The following SCART1 variants were observed in gnomAD, a reference collection of about 807,000 sequenced individuals.
SCART1 encodes scavenger receptor cysteine-rich domain-containing protein SCART1.
Under a neutral mutation model 36.2 loss-of-function variants are expected in SCART1, and 62 were observed. The ratio of observed to expected loss-of-function variants is 1.71; its 90% CI spans 1.40 to 2.12. The LOEUF is 2.12. SCART1 is among the 30% of genes most tolerant of loss of function. The probability of loss-of-function intolerance (pLI) is 0.00; values close to 1 mark genes in which losing one functional copy is unlikely to be tolerated. For synonymous variants in SCART1, 487 were observed against 238.7 expected (o/e 2.04, Z -9.59); for missense variants, 1,041 against 540.5 (o/e 1.93, Z -9.18).
chr10:133,467,962 G>T (rs1362121566), exon 12 of SCART1: 1 of 691,642 alleles, frequency 1.4e-6, no homozygotes, highest in Non-Finnish European at 2.6e-6. Flanking sequence ...AGGAGATGAC[G>T]TTGTAAAGCA....
chr10:133,457,111 G>A, intron 2 of SCART1, 168 bp from the exon 3 acceptor site: 1 of 597,710 alleles, frequency 1.7e-6, no homozygotes, highest in South Asian at 2.1e-5. Flanking sequence ...CATGAAGCTG[G>A]GCACAGGGGT....
chr10:133,463,204 G>T (rs880284), intron 6 of SCART1, among the ~76,000 whole-genome samples: 97,144 of 151,784 alleles, frequency 0.64, 33,829 homozygotes, highest in Non-Finnish European at 0.78. Flanking sequence ...TGAACATGGG[G>T]CTGAGGTACA....
In SCART1 at chr10:133,457,004, C is replaced by CT; in HGVS notation, c.386-274dup. On this transcript the variant is annotated intron_variant, in intron 2 of 11. Transcript: ENST00000640237. Reference sequence around the variant, plus strand: ...AGGACCCCCTCATAGCGTCCTGCCTCTGAGGCTGAACCACCTGGCCAGGAC... The same window carrying CT: ...AGGACCCCCTCATAGCGTCCTGCCTCTTGAGGCTGAACCACCTGGCCAGGAC... 5 of 545,732 alleles carry CT rather than the reference C, an allele frequency of 9.2e-6. No homozygotes were observed. The South Asian group carries it at 1.3e-4, about 14-fold the overall frequency. 33.8% of individuals were successfully genotyped at this position (545,732 alleles called of 1,614,324 possible). A position where few individuals can be genotyped will look rare whatever the true frequency, so the allele number is the denominator to read the frequency against.
At position 133,458,228 on chromosome 10, in the gene SCART1, C is replaced by T. The variant is rs936685669; in HGVS notation, c.683-132C>T. The T allele has an allele frequency of 8.4e-5, 59 of 700,806 alleles. No individual in the cohort carries two copies. The East Asian group carries it at 1.6e-3, about 19-fold the overall frequency. The allele number at this position is 700,806 out of a possible 1,614,324, so 43.4% of individuals were successfully genotyped here. On this transcript the variant is annotated intron_variant, in intron 3 of 11. Coordinates refer to ENST00000640237, the Ensembl canonical transcript of SCART1. ...AGGGCCTGTGGCTGCAAGTTCCTGCCTGTGCTTGGTAGACCCTCTGCCTAG... is the reference window on the plus strand; with the variant it reads ...AGGGCCTGTGGCTGCAAGTTCCTGCTTGTGCTTGGTAGACCCTCTGCCTAG...
At chr10:133,468,133 A>G (rs10776682) in exon 12 of SCART1, 1 of 522,374 alleles carries the variant, frequency 1.9e-6, no homozygotes, top group Non-Finnish European at 3.5e-6. Context: ...CTGGCTCTAA[A>G]CCTCATCCCC....
At chr10:133,458,214 C>T in intron 3 of SCART1, 146 bp from the exon 4 acceptor site, 2 of 700,674 alleles carry the variant, frequency 2.9e-6, no homozygotes, top group Non-Finnish European at 2.6e-6. Flanking sequence ...GGGCCTGTGG[C>T]TGCAAGTTCC....
intron 1 of SCART1, among the ~76,000 whole-genome samples, chr10:133,455,102 A>G (rs1038706539): frequency 2.0e-5 from 3 of 152,072 alleles, no homozygotes; most frequent in Non-Finnish European, 4.4e-5. Flanking sequence ...CCCCATCTCT[A>G]CTAAAAATAC....
At chr10:133,459,313 C>T (rs1483754194) in exon 5 of SCART1, 5 of 643,080 alleles carry the variant, frequency 7.8e-6, no homozygotes, top group Admixed American at 2.3e-5. Context: ...ACACAGCCTC[C>T]GCGGTCTGCT....
At chr10:133,457,404 T>G in exon 3 of SCART1, 1 of 702,126 alleles carries the variant, frequency 1.4e-6, no homozygotes, top group Non-Finnish European at 2.6e-6. Flanking sequence ...CATGGTGTTC[T>G]GCCGGGAGCT....
rs535261562 is a variant in SCART1, at chr10:133,457,407, C to T, written c.514C>T (p.Arg172Trp). ...TGTGGAGGAGGCCATGGTGTTCTGC[C>T]GGGAGCTGGGGTGCGGCCCTGTGCT... The change falls in exon 3 of 12, where the codon CGG (arginine) becomes TGG (tryptophan). Residue 172 changes from arginine (R) to tryptophan (W), a missense_variant. Arg to Trp is a moderately radical substitution (Grantham distance 101). Transcript: ENST00000640237. The T allele has an allele frequency of 2.1e-4, 150 of 701,994 alleles. 2 individuals carry two copies. The highest frequency in any genetic ancestry group is 2.0e-3 in the South Asian group (134 of 67,542). 43.5% of individuals were successfully genotyped at this position (701,994 alleles called of 1,614,324 possible).
At chr10:133,456,671 C>T (rs1438377421) in intron 2 of SCART1, 117 bp downstream of exon 2, 12 of 587,302 alleles carry the variant, frequency 2.0e-5, no homozygotes, top group African/African-American at 5.7e-5. Context: ...CGGAGACGGG[C>T]GGGGAGGCTG....
At chr10:133,457,808 T>C (rs1270490578) in intron 3 of SCART1, 2 of 557,838 alleles carry the variant, frequency 3.6e-6, no homozygotes, top group Non-Finnish European at 6.3e-6. Context: ...CCGCAGGCCA[T>C]CTAGGGGTCC....
exon 12 of SCART1, chr10:133,467,886 T>C (rs1405357074): frequency 1.4e-6 from 1 of 699,762 alleles, no homozygotes; most frequent in Non-Finnish European, 2.6e-6. Context: ...GGACAGTCTA[T>C]ACGTGCGGAG....
At chr10:133,467,046 T>C in intron 10 of SCART1, 152 bp from the exon 11 acceptor site, 1 of 541,896 alleles carries the variant, frequency 1.8e-6, no homozygotes, top group Non-Finnish European at 3.3e-6. Context: ...ACTGGGAGTC[T>C]GGCTATGTTG....
At position 133,467,292 on chromosome 10, in the gene SCART1, C is replaced by A. The variant is rs780784506; in HGVS notation, c.2901C>A (p.Ala967=). ...GACTGTACGAGGAAATCATGGAGGC[C>A]GAGGCTGTGCTCCAAGATGAGGAGG... The change falls in exon 11 of 12, where the codon GCC becomes GCA. Residue 967 remains alanine, a synonymous_variant. Transcript: ENST00000640237. 4 of 702,828 alleles carry A rather than the reference C, an allele frequency of 5.7e-6. No individual in the cohort carries two copies. The East Asian group carries it at 1.1e-4, about 19-fold the overall frequency. The allele number at this position is 702,828 out of a possible 1,614,324, so 43.5% of individuals were successfully genotyped here.
At chr10:133,466,191 G>T (rs118036728) in intron 9 of SCART1, 44 bp from the exon 10 acceptor site, 50,130 of 691,740 alleles carry the variant, frequency 0.072, 2,379 homozygotes, top group Non-Finnish European at 0.098. Context: ...GGGTGTGCAG[G>T]TCCCCCCCAC....
Position 133,467,502 on chromosome 10 carries a change from C to T in SCART1, c.2962+149C>T, listed in dbSNP as rs1850775629. The T allele has an allele frequency of 5.0e-6, 3 of 594,324 alleles. No homozygotes were observed. In the South Asian group the frequency reaches 6.2e-5, roughly 12 times the overall value. The allele number at this position is 594,324 out of a possible 1,614,324, so 36.8% of individuals were successfully genotyped here. On this transcript the variant is annotated intron_variant, in intron 11 of 11. Transcript: ENST00000640237. ...TCATGGATGCAAAGGGACTCGTGGG[C>T]AGGGGAGAGCAGGGCCACACCCATG...
chr10:133,466,473 G>A (rs114776797), intron 10 of SCART1, 92 bp downstream of exon 10: 9,667 of 646,994 alleles, frequency 0.015, 180 homozygotes, highest in African/African-American at 0.058. Context: ...TGGGCAGGCG[G>A]GGTGCCCCAC....
intron 1 of SCART1, among the ~76,000 whole-genome samples, chr10:133,454,760 C>T (rs565984762): frequency 6.6e-6 from 1 of 152,174 alleles, no homozygotes; most frequent in South Asian, 2.1e-4. Context: ...TGACCTGGTG[C>T]TGGACGGAGC....
Sources: gnomAD v4.1 joint callset for allele counts (sites outside exome capture counted in the v4.1 genomes callset) on GRCh38, gnomAD v4.1.1 for gene constraint, MANE v1.5 for transcripts, NCBI Gene and HGNC (gene_info 2026-07-23, HGNC 2026-07-21) for gene names.